Variants in ADK observed in about 807,000 individuals in gnomAD.
ADK encodes the protein adenosine kinase.
A neutral mutation model predicts 44.7 loss-of-function variants in ADK; 24 were observed. The ratio of observed to expected loss-of-function variants is 0.54; its 90% confidence interval spans 0.39 to 0.76. ADK has a LOEUF of 0.76. ADK is among the 30% of genes least tolerant of loss of function. The pLI, the probability that ADK is intolerant of heterozygous loss-of-function variation, is 0.00. For synonymous variants in ADK, 128 were observed against 142.6 expected (o/e 0.90, Z 0.73); for missense variants, 321 against 425.1 (o/e 0.76, Z 2.15).
chr10:74,223,425 G>A (rs771208996), intron 2 of ADK, among the ~76,000 whole-genome samples: 26 of 152,160 alleles, frequency 1.7e-4, no homozygotes, highest in African/African-American at 6.3e-4. Context: ...GATTTGAGGG[G>A]GGTCAAATAT....
chr10:74,262,526 A>G lies in ADK; in HGVS notation c.194+37935A>G, dbSNP rs551448751. Among the ~76,000 whole-genome samples the G allele has an allele frequency of 8.5e-4, 130 of 152,228 alleles. 3 individuals are homozygous for G. The highest frequency in any genetic ancestry group is 8.3e-4 in the South Asian group (4 of 4,816). ...TCAGATTCTGGTGTGATACCTCAATATTGAGTTAGAATGGCTTTATCAAGC... is the reference window on the plus strand; with the variant it reads ...TCAGATTCTGGTGTGATACCTCAATGTTGAGTTAGAATGGCTTTATCAAGC... On this transcript the variant is annotated intron_variant, in intron 3 of 10. Transcript: ENST00000539909.
At chr10:74,450,121 A>G (rs567159343) in intron 6 of ADK, among the ~76,000 whole-genome samples, 33 of 152,314 alleles carry the variant, frequency 2.2e-4, no homozygotes, top group African/African-American at 7.5e-4. Flanking sequence ...CCTGGGCAAC[A>G]TAGCGAAAAA....
intron 1 of ADK, among the ~76,000 whole-genome samples, chr10:74,158,619 T>A (rs1841816759): frequency 1.3e-5 from 2 of 152,212 alleles, no homozygotes; most frequent in South Asian, 4.1e-4. Flanking sequence ...CAGTGTTACC[T>A]TCCTAAAATC....
chr10:74,563,943 G>A (rs1317891326), intron 7 of ADK, among the ~76,000 whole-genome samples: 1 of 151,822 alleles, frequency 6.6e-6, no homozygotes, highest in Non-Finnish European at 1.5e-5. Flanking sequence ...TGCACAATGT[G>A]CAGGTTAGTT....
intron 4 of ADK, among the ~76,000 whole-genome samples, chr10:74,327,870 T>C (rs568695120): frequency 6.6e-6 from 1 of 152,320 alleles, no homozygotes; most frequent in East Asian, 1.9e-4. Context: ...TAAAAATGTT[T>C]AATAAACACT....
chr10:74,227,851 G>GAA (rs1042621161), intron 3 of ADK, among the ~76,000 whole-genome samples: 1 of 150,260 alleles, frequency 6.7e-6, no homozygotes, highest in Admixed American at 6.7e-5. Context: ...TCAAAAAAAA[G>GAA]AAAAAAAAAT....
intron 3 of ADK, among the ~76,000 whole-genome samples, chr10:74,302,105 G>GTTTTTTT (rs1840065150): frequency 1.1e-5 from 1 of 88,908 alleles, no homozygotes; most frequent in East Asian, 4.0e-4. Flanking sequence ...TTTTTTGTTT[G>GTTTTTTT]TTTGTTTTTT....
At chr10:74,596,490 G>A (rs562407743) in intron 8 of ADK, among the ~76,000 whole-genome samples, 1 of 152,066 alleles carries the variant, frequency 6.6e-6, no homozygotes, top group South Asian at 2.1e-4. Flanking sequence ...CTGGGCTCAA[G>A]CAATCTGTAG....
intron 4 of ADK, among the ~76,000 whole-genome samples, chr10:74,330,432 AT>A (rs1013615299): frequency 6.6e-6 from 1 of 151,714 alleles, no homozygotes; most frequent in Admixed American, 6.6e-5. Flanking sequence ...CTTAAAAAAA[AT>A]TTTTTTTTAA....
intron 1 of ADK, among the ~76,000 whole-genome samples, chr10:74,175,482 A>C (rs1842299672): frequency 6.6e-6 from 1 of 152,240 alleles, no homozygotes; most frequent in Admixed American, 6.5e-5. Flanking sequence ...AAATTAAATA[A>C]ATTAAAAATT....
chr10:74,660,232 C>T (rs1264905251), intron 9 of ADK, among the ~76,000 whole-genome samples: 1 of 152,110 alleles, frequency 6.6e-6, no homozygotes, highest in East Asian at 1.9e-4. Flanking sequence ...GGACTCAAAC[C>T]ATCCTCCCAC....
intron 10 of ADK, 53 bp downstream of exon 10, chr10:74,670,322 G>T (rs1184788903): frequency 1.5e-6 from 2 of 1,366,744 alleles, no homozygotes; most frequent in Non-Finnish European, 1.0e-6. Flanking sequence ...TTTAACCCTT[G>T]TTTCTACCAT....
intron 3 of ADK, among the ~76,000 whole-genome samples, chr10:74,304,492 G>T (rs185494921): frequency 2.4e-4 from 37 of 152,152 alleles, no homozygotes; most frequent in African/African-American, 8.9e-4. Context: ...TAACATATCT[G>T]TGTTAATCGA....
chr10:74,423,918 G>A, intron 6 of ADK: 1 of 217,754 alleles, frequency 4.6e-6, no homozygotes, highest in Non-Finnish European at 9.6e-6. Flanking sequence ...ATTGTCCCTT[G>A]ACAAAGTGGA....
intron 7 of ADK, among the ~76,000 whole-genome samples, chr10:74,562,259 A>C (rs1388943381): frequency 6.6e-6 from 1 of 152,184 alleles, no homozygotes; most frequent in Non-Finnish European, 1.5e-5. Flanking sequence ...TGCTTAATAA[A>C]TGCCTTTTAA....
intron 6 of ADK, among the ~76,000 whole-genome samples, chr10:74,488,607 A>G (rs2133382956): frequency 6.6e-6 from 1 of 150,380 alleles, no homozygotes; most frequent in East Asian, 1.9e-4. Context: ...CCTTCAGAAA[A>G]TCATATTTAT....
intron 1 of ADK, among the ~76,000 whole-genome samples, chr10:74,166,093 C>T (rs1434808150): frequency 6.6e-6 from 1 of 152,152 alleles, no homozygotes; most frequent in Non-Finnish European, 1.5e-5. Context: ...GCATGCGCCA[C>T]CACACCCAGT....
At chr10:74,466,003 A>T (rs1846341653) in intron 6 of ADK, among the ~76,000 whole-genome samples, 1 of 152,136 alleles carries the variant, frequency 6.6e-6, no homozygotes, top group African/African-American at 2.4e-5. Context: ...GTGAAAACAC[A>T]ACTTAAAATT....
At chr10:74,153,106 T>C (rs1434511031) in intron 1 of ADK, among the ~76,000 whole-genome samples, 1 of 152,216 alleles carries the variant, frequency 6.6e-6, no homozygotes, top group Admixed American at 6.5e-5. Context: ...GAGAATGGAT[T>C]ATAAAGACTT....
Sources: gnomAD v4.1 joint callset for allele counts (sites outside exome capture counted in the v4.1 genomes callset) on GRCh38, gnomAD v4.1.1 for gene constraint, MANE v1.5 for transcripts, NCBI Gene and HGNC (gene_info 2026-07-23, HGNC 2026-07-21) for gene names.